CSMD1: variants seen among roughly 807,000 people sequenced by gnomAD.
CSMD1 encodes the protein CUB and Sushi multiple domains 1.
In CSMD1, 213 loss-of-function variants were observed where a neutral mutation model predicts 417.5. That is an observed-to-expected ratio of 0.51 (90% CI 0.46 to 0.57). The LOEUF (loss-of-function observed/expected upper bound fraction) is 0.57. Ranked by LOEUF, CSMD1 falls within the 20% of genes least tolerant of loss-of-function variation. The probability of loss-of-function intolerance (pLI) is 0.00; values close to 1 mark genes in which losing one functional copy is unlikely to be tolerated. For synonymous variants in CSMD1, 2,862 were observed against 1,736.8 expected, an observed-to-expected ratio of 1.65 and a Z score of -16.11; for missense variants, 6,923 against 4,529.7, an observed-to-expected ratio of 1.53 and a Z score of -15.17.
At chr8:3,726,003 C>T (rs2720809) in intron 6 of CSMD1, among the ~76,000 whole-genome samples, 8,089 of 152,240 alleles carry the variant, frequency 0.053, 257 homozygotes, top group Middle Eastern at 0.11. Flanking sequence ...GACCGGGTCA[C>T]TGCAAGTTCC....
At chr8:3,711,555 C>T (rs557762319) in intron 6 of CSMD1, among the ~76,000 whole-genome samples, 1 of 152,302 alleles carries the variant, frequency 6.6e-6, no homozygotes, top group East Asian at 1.9e-4. Context: ...GCGTCTTCCT[C>T]CTCTTCTCTT....
intron 3 of CSMD1, among the ~76,000 whole-genome samples, chr8:4,191,511 AGTG>A (rs1799031174): frequency 6.6e-6 from 1 of 152,202 alleles, no homozygotes; most frequent in Non-Finnish European, 1.5e-5. Flanking sequence ...ATACTGGTGA[AGTG>A]GAGGTCACTA....
At chr8:4,727,887 C>G in intron 1 of CSMD1, among the ~76,000 whole-genome samples, 1 of 145,752 alleles carries the variant, frequency 6.9e-6, no homozygotes, top group South Asian at 2.1e-4. Flanking sequence ...CCAATATGTA[C>G]CCACCTATAC....
intron 2 of CSMD1, among the ~76,000 whole-genome samples, chr8:4,599,937 T>C (rs935539625): frequency 7.2e-5 from 11 of 152,212 alleles, no homozygotes; most frequent in African/African-American, 2.7e-4. Context: ...CAGGTATGCA[T>C]GGATCTGACA....
chr8:3,424,359 T>C (rs113901626), intron 12 of CSMD1, among the ~76,000 whole-genome samples: 28 of 152,340 alleles, frequency 1.8e-4, no homozygotes, highest in African/African-American at 6.3e-4. Context: ...TGGGAAGCTA[T>C]TGAATAGTTC....
At chr8:4,942,691 G>C (rs1056110341) in intron 1 of CSMD1, among the ~76,000 whole-genome samples, 1 of 152,122 alleles carries the variant, frequency 6.6e-6, no homozygotes, top group African/African-American at 2.4e-5. Context: ...CACTGTGATA[G>C]GCAGTTTGGC....
At chr8:3,438,146 A>T (rs12544525) in intron 12 of CSMD1, among the ~76,000 whole-genome samples, 3,012 of 152,338 alleles carry the variant, frequency 0.02, 32 homozygotes, top group Non-Finnish European at 0.033. Context: ...GTAAATAATT[A>T]CCATGGGGTT....
At chr8:3,800,670 G>C (rs1007443596) in intron 5 of CSMD1, among the ~76,000 whole-genome samples, 1 of 152,178 alleles carries the variant, frequency 6.6e-6, no homozygotes, top group African/African-American at 2.4e-5. Flanking sequence ...ACGGCTTGGT[G>C]ATATTCTCGT....
At chr8:3,277,340 C>A (rs778717809) in intron 26 of CSMD1, among the ~76,000 whole-genome samples, 1 of 152,122 alleles carries the variant, frequency 6.6e-6, no homozygotes, top group African/African-American at 2.4e-5. Context: ...CACCTGGGTG[C>A]CTGTGCGCAG....
At chr8:3,240,156 C>T (rs7838915) in intron 26 of CSMD1, among the ~76,000 whole-genome samples, 249 of 151,986 alleles carry the variant, frequency 1.6e-3, no homozygotes, top group Non-Finnish European at 2.9e-3. Flanking sequence ...AAAGGCTACT[C>T]GGTGCGGTCC....
intron 2 of CSMD1, among the ~76,000 whole-genome samples, chr8:4,542,163 G>C (rs1047860451): frequency 1.3e-5 from 2 of 152,114 alleles, no homozygotes; most frequent in Non-Finnish European, 2.9e-5. Flanking sequence ...CACATTCTTA[G>C]AACTCTTAGT....
chr8:4,263,855 CTTAT>C (rs1804053794), intron 3 of CSMD1, among the ~76,000 whole-genome samples: 1 of 152,224 alleles, frequency 6.6e-6, no homozygotes, highest in South Asian at 2.1e-4. Context: ...AAAACATTAA[CTTAT>C]TTGTGTTTTG....
At chr8:3,140,286 C>G (rs187299647) in intron 41 of CSMD1, among the ~76,000 whole-genome samples, 18 of 152,240 alleles carry the variant, frequency 1.2e-4, no homozygotes, top group Non-Finnish European at 2.2e-4. Context: ...GCAAGCAGAT[C>G]TGTATCCATT....
intron 30 of CSMD1, among the ~76,000 whole-genome samples, chr8:3,211,948 C>T (rs1797635681): frequency 6.6e-6 from 1 of 152,166 alleles, no homozygotes; most frequent in African/African-American, 2.4e-5. Context: ...CACCCTGGGC[C>T]AGGACAGGGA....
intron 3 of CSMD1, among the ~76,000 whole-genome samples, chr8:4,406,206 A>G (rs1483206121): frequency 6.6e-6 from 1 of 152,136 alleles, no homozygotes; most frequent in Admixed American, 6.6e-5. Flanking sequence ...ACCGCATTCT[A>G]CTGTAATGTG....
rs557976057 is a variant in CSMD1, at chr8:4,268,887, C to T, written c.415+151066G>A. 3.2e-4 allele frequency among the ~76,000 whole-genome samples: 49 copies of T among 152,232 alleles called. 1 individual carries two copies. Among genetic ancestry groups the T allele is most frequent in the African/African-American group, 1.2e-3 (48 of 41,552 alleles). On this transcript the variant is annotated intron_variant, in intron 3 of 69. Coordinates refer to ENST00000635120, the MANE Select transcript of CSMD1 (RefSeq NM_033225.6). ...TCCCTTTCCACATAGAATGTTTATT[C>T]ATAATGCATCATATACTCATCAAGA...
intron 57 of CSMD1, among the ~76,000 whole-genome samples, chr8:2,971,409 G>C (rs1381560510): frequency 6.6e-6 from 1 of 152,136 alleles, no homozygotes; most frequent in Non-Finnish European, 1.5e-5. Flanking sequence ...GTTTCTTCGT[G>C]AACACGGGCA....
At chr8:4,933,354 T>C (rs1251751957) in intron 1 of CSMD1, among the ~76,000 whole-genome samples, 1 of 152,136 alleles carries the variant, frequency 6.6e-6, no homozygotes, top group Non-Finnish European at 1.5e-5. Context: ...GTATCCCCCA[T>C]TTTGGTAAAC....
chr8:3,811,349 T>A (rs895743274), intron 5 of CSMD1, among the ~76,000 whole-genome samples: 1 of 152,198 alleles, frequency 6.6e-6, no homozygotes, highest in Admixed American at 6.5e-5. Flanking sequence ...CAATTATGGT[T>A]TTAAACTTCA....
Sources: allele counts gnomAD v4.1 joint callset (sites outside exome capture counted in the v4.1 genomes callset), GRCh38; gene constraint gnomAD v4.1.1; transcripts MANE v1.5; gene names NCBI Gene and HGNC (gene_info 2026-07-23, HGNC 2026-07-21).